TRIP4: variants seen among roughly 807,000 people sequenced by gnomAD.
TRIP4 encodes the protein thyroid hormone receptor interactor 4, also known as activating signal cointegrator 1.
A neutral mutation model predicts 81.8 loss-of-function variants in TRIP4; 54 were observed. The ratio of observed to expected loss-of-function variants is 0.66; its 90% CI spans 0.53 to 0.83. The LOEUF is 0.83. Ranked by LOEUF, TRIP4 falls within the 40% of genes least tolerant of loss-of-function variation. TRIP4 has a pLI of 0.00. For missense variants in TRIP4, 662 were observed against 683.6 expected (o/e 0.97, Z 0.35); for synonymous variants, 270 against 242.8 (o/e 1.11, Z -1.04).
At chr15:64,441,777 A>AAT (rs375111673) in intron 11 of TRIP4, among the ~76,000 whole-genome samples, 31 of 151,322 alleles carry the variant, frequency 2.0e-4, no homozygotes, top group Admixed American at 5.3e-4. Flanking sequence ...CGTCTCAAAA[A>AAT]ATATATATAT....
chr15:64,413,989 C>T, intron 7 of TRIP4, 96 bp from the exon 8 acceptor site: 1 of 1,431,376 alleles, frequency 7.0e-7, no homozygotes, highest in Non-Finnish European at 9.5e-7. Flanking sequence ...CTTTATATTC[C>T]AAATTTTATT....
intron 12 of TRIP4, among the ~76,000 whole-genome samples, chr15:64,452,008 G>T (rs1892777664): frequency 6.7e-6 from 1 of 150,234 alleles, no homozygotes; most frequent in African/African-American, 2.5e-5. Context: ...GCCCATGCTG[G>T]AGTGCAATGG....
At chr15:64,425,127 A>AT (rs1050056712) in intron 10 of TRIP4, among the ~76,000 whole-genome samples, 1 of 151,936 alleles carries the variant, frequency 6.6e-6, no homozygotes. Context: ...TTTTAAAGAC[A>AT]TTCATTCTTA....
chr15:64,421,548 C>G (rs1892013716), intron 9 of TRIP4, among the ~76,000 whole-genome samples: 2 of 151,642 alleles, frequency 1.3e-5, no homozygotes, highest in African/African-American at 4.8e-5. Context: ...GTTGGCCAGG[C>G]TGGTCTCAAA....
In TRIP4 at chr15:64,397,660, A is replaced by C; in HGVS notation, c.460A>C (p.Thr154Pro). ...KKKTKFVNLY[T>P]REGQDRLAVL... ...GAAGACAAAGTTTGTCAATTTATAC[A>C]CAAGAGAGGGACAGGACAGGCTTGC... Residue 154 changes from threonine (T) to proline (P), a missense_variant, in exon 4 of 13, where the codon ACA becomes CCA. Coordinates refer to ENST00000261884, the MANE Select transcript of TRIP4 (RefSeq NM_016213.5). The C allele has an allele frequency of 1.2e-6, 2 of 1,614,194 alleles. No homozygotes were observed. Among genetic ancestry groups the C allele is most frequent in the South Asian group, 2.2e-5 (2 of 91,086 alleles).
intron 11 of TRIP4, among the ~76,000 whole-genome samples, chr15:64,426,892 C>T (rs908469216): frequency 4.0e-5 from 6 of 150,962 alleles, no homozygotes; most frequent in African/African-American, 1.2e-4. Flanking sequence ...CCCAACTATT[C>T]GGGAGGCTGA....
chr15:64,455,119 A>C lies in TRIP4; in HGVS notation c.*55A>C. ...TGGAGTTTTGTGTACTAAAATTGCT[A>C]TCTACTGGTCCTTTGGAATTGAAGT... is the stretch of plus-strand genomic sequence containing the variant. On this transcript the variant is annotated 3_prime_UTR_variant, in exon 13 of 13. Coordinates refer to ENST00000261884, the MANE Select transcript of TRIP4 (RefSeq NM_016213.5). 4.6e-6 allele frequency: 7 copies of C among 1,529,430 alleles called. No homozygotes were observed. Among genetic ancestry groups the C allele is most frequent in the Non-Finnish European group, 6.3e-6 (7 of 1,108,084 alleles). The allele number at this position is 1,529,430 out of a possible 1,614,324, so 94.7% of individuals were successfully genotyped here.
chr15:64,425,850 G>A (rs921970249), intron 11 of TRIP4, among the ~76,000 whole-genome samples: 1 of 152,146 alleles, frequency 6.6e-6, no homozygotes, highest in African/African-American at 2.4e-5. Flanking sequence ...TTGGGAGGCC[G>A]AGGCAGGTGG....
Position 64,387,937 on chromosome 15 carries a change from G to A in TRIP4, c.74G>A (p.Gly25Asp). Reference protein sequence around the residue: ...WCTQQLRKTFGLDVSEEIIQY... With the variant: ...WCTQQLRKTFDLDVSEEIIQY... The stretch of plus-strand genomic sequence containing the variant: ...ACCCAGCAGTTGCGGAAGACTTTCG[G>A]CCTGGATGTCAGCGAGGAGATCATT... The change falls in exon 1 of 13, where the codon GGC becomes GAC. Residue 25 changes from glycine (G) to aspartate (D), a missense_variant. Transcript: ENST00000261884. 4.5e-6 allele frequency: 7 copies of A among 1,551,128 alleles called. 1 individual carries two copies. The South Asian group carries it at 7.1e-5, about 16-fold the overall frequency.
At chr15:64,420,023 C>T (rs1005793439) in intron 9 of TRIP4, among the ~76,000 whole-genome samples, 2 of 151,978 alleles carry the variant, frequency 1.3e-5, no homozygotes, top group South Asian at 2.1e-4. Context: ...ACCATGTTGG[C>T]CAGGCTGGTC....
intron 7 of TRIP4, among the ~76,000 whole-genome samples, chr15:64,410,144 G>C (rs1320897270): frequency 6.6e-6 from 1 of 150,402 alleles, no homozygotes; most frequent in African/African-American, 2.4e-5. Context: ...TCCTGCCTCA[G>C]CCCCTTGAGT....
chr15:64,442,237 A>G (rs1471530913), intron 11 of TRIP4, among the ~76,000 whole-genome samples: 4 of 152,058 alleles, frequency 2.6e-5, no homozygotes, highest in Non-Finnish European at 4.4e-5. Context: ...TGTGTTGAGA[A>G]TAGACCAAGA....
chr15:64,443,081 T>C (rs540184343), intron 11 of TRIP4, among the ~76,000 whole-genome samples: 15 of 151,832 alleles, frequency 9.9e-5, no homozygotes, highest in African/African-American at 3.1e-4. Flanking sequence ...ATGATTTTGA[T>C]GGAATGATGA....
Position 64,387,909 on chromosome 15 carries a change from T to C in TRIP4, c.46T>C (p.Cys16Arg). 1 of 1,550,648 alleles carries C rather than the reference T, an allele frequency of 6.4e-7. No homozygotes were observed. The highest frequency in any genetic ancestry group is 8.7e-7 in the Non-Finnish European group (1 of 1,147,092). Residue 16 changes from cysteine to arginine, a missense_variant, in exon 1 of 13, where the codon TGC (cysteine) becomes CGC (arginine). Cys to Arg is a radical substitution (Grantham distance 180). Coordinates refer to ENST00000261884, the MANE Select transcript of TRIP4 (RefSeq NM_016213.5). Reference sequence around the variant, plus strand: ...GTCCGGGGAGCCGCTGGTGCACTGGTGCACCCAGCAGTTGCGGAAGACTTT... The same window carrying C: ...GTCCGGGGAGCCGCTGGTGCACTGGCGCACCCAGCAGTTGCGGAAGACTTT... ...AVSGEPLVHW[C>R]TQQLRKTFGL...
chr15:64,393,004 T>C (rs1900179886), intron 1 of TRIP4, among the ~76,000 whole-genome samples: 1 of 152,116 alleles, frequency 6.6e-6, no homozygotes, highest in Non-Finnish European at 1.5e-5. Flanking sequence ...GTGAAAAGAA[T>C]GCAGTACATA....
rs781617873 is a variant in TRIP4 at position 64,400,787 on chromosome 15, CAA to C, written c.664_665del (p.Lys222GlufsTer34). The C allele has an allele frequency of 1.2e-6, 2 of 1,614,086 alleles. No homozygotes were observed. The highest frequency in any genetic ancestry group is 8.5e-7 in the Non-Finnish European group (1 of 1,179,974). ...EQDILQRDSN[K>X]SQKLLKKLMS... ...AAGATATTTTACAGCGTGACTCAAACAAGAGCCAGAAACTGCTAAAGAAACTC... is the reference window on the plus strand; with the variant it reads ...AAGATATTTTACAGCGTGACTCAAACGAGCCAGAAACTGCTAAAGAAACTC... On this transcript the variant is annotated frameshift_variant, in exon 5 of 13. Transcript: ENST00000261884. LOFTEE classifies it high-confidence loss of function.
chr15:64,432,158 T>A (rs1016618668), intron 11 of TRIP4, among the ~76,000 whole-genome samples: 2 of 151,670 alleles, frequency 1.3e-5, no homozygotes, highest in Non-Finnish European at 2.9e-5. Flanking sequence ...GTGCTGGGAT[T>A]ACAGGCATGA....
chr15:64,391,656 C>G (rs1273824789), intron 1 of TRIP4, among the ~76,000 whole-genome samples: 1 of 151,972 alleles, frequency 6.6e-6, no homozygotes, highest in Non-Finnish European at 1.5e-5. Context: ...CTGAAACTCT[C>G]TTCCCTGGTT....
intron 1 of TRIP4, among the ~76,000 whole-genome samples, chr15:64,391,150 ATTAAC>A (rs1411476061): frequency 1.3e-5 from 2 of 151,722 alleles, no homozygotes; most frequent in Non-Finnish European, 2.9e-5. Flanking sequence ...GCACAGAGCT[ATTAAC>A]TTTTTTTTTT....
Sources: gnomAD v4.1 joint callset for allele counts (sites outside exome capture counted in the v4.1 genomes callset) on GRCh38, gnomAD v4.1.1 for gene constraint, MANE v1.5 for transcripts, NCBI Gene and HGNC (gene_info 2026-07-23, HGNC 2026-07-21) for gene names.